The following FAM186A variants were observed in gnomAD, a reference collection of about 807,000 sequenced individuals.
FAM186A encodes the protein protein FAM186A.
In FAM186A, 163 loss-of-function variants were observed where a neutral mutation model predicts 216.8. That is an observed-to-expected ratio of 0.75 (90% CI 0.66 to 0.86). The LOEUF (loss-of-function observed/expected upper bound fraction) is 0.86. FAM186A is among the 40% of genes least tolerant of loss of function. FAM186A has a pLI of 0.00. For missense variants in FAM186A, 2,184 were observed against 2,746.2 expected (o/e 0.80, Z 4.58); for synonymous variants, 805 against 1,025.3 (o/e 0.79, Z 4.10).
At position 50,353,554 on chromosome 12, in the gene FAM186A, T is replaced by C; in HGVS notation, c.3278A>G (p.Gln1093Arg). The C allele has an allele frequency of 1.3e-6, 2 of 1,532,106 alleles. No homozygotes were observed. Among genetic ancestry groups the C allele is most frequent in the Non-Finnish European group, 1.8e-6 (2 of 1,138,048 alleles). The allele number at this position is 1,532,106 out of a possible 1,614,324, so 94.9% of individuals were successfully genotyped here. A position where few individuals can be genotyped will look rare whatever the true frequency, so the allele number is the denominator to read the frequency against. ...AAGGGTGAGCGTGATCCCCTGAGCCTGGGCCTGCTGAGGAGTGAGTGTGAT... is the reference window on the plus strand; with the variant it reads ...AAGGGTGAGCGTGATCCCCTGAGCCCGGGCCTGCTGAGGAGTGAGTGTGAT... ...VGITLTPQQA[Q>R]AQGITLTLQQ... Residue 1093 changes from glutamine to arginine, a missense_variant, in exon 4 of 8, where the codon CAG (glutamine) becomes CGG (arginine). This residue lies in a region of FAM186A where 1,132 missense variants were observed against 1,263.4 expected (regional missense o/e 0.90). Transcript: ENST00000327337.
chr12:50,337,996 G>T (rs760635692), intron 4 of FAM186A, among the ~76,000 whole-genome samples: 11 of 152,086 alleles, frequency 7.2e-5, no homozygotes, highest in Non-Finnish European at 1.6e-4. Flanking sequence ...CTAGAATCAT[G>T]GCTATTCATC....
At position 50,350,980 on chromosome 12, in the gene FAM186A, A is replaced by G. The variant is rs1942871766; in HGVS notation, c.5852T>C (p.Val1951Ala). 1 of 1,551,450 alleles carries G rather than the reference A, an allele frequency of 6.4e-7. No individual in the cohort carries two copies. Among genetic ancestry groups the G allele is most frequent in the African/African-American group, 1.4e-5 (1 of 73,020 alleles). The change falls in exon 4 of 8, where the codon GTT (valine) becomes GCT (alanine). Residue 1951 changes from valine (V) to alanine (A), a missense_variant. Val to Ala is a moderately conservative substitution (Grantham distance 64, BLOSUM62 0). Coordinates refer to ENST00000327337, the MANE Select transcript of FAM186A (RefSeq NM_001145475.3). ...AATAATTGCCAATCTTTTCTTAGCA[A>G]CAGAAGGGGACCAACTTTTCTGGGG... ...GKPQKSWSPS[V>A]AKKRLAIISS...
At position 50,396,510 on chromosome 12, in the gene FAM186A, T is replaced by C; in HGVS notation, c.-26A>G. ...TTTGAAAATGTGGGTGATTTCGTTT[T>C]ATTTCTTCTTTTTCACAGAATCTAC... is the stretch of plus-strand genomic sequence containing the variant. On this transcript the variant is annotated 5_prime_UTR_variant, in exon 1 of 8. In the 5' UTR this introduces an upstream ATG that the reference lacks. Transcript: ENST00000327337. 1 of 1,527,308 alleles carries C rather than the reference T, an allele frequency of 6.5e-7. No individual in the cohort carries two copies. The highest frequency in any genetic ancestry group is 8.8e-7 in the Non-Finnish European group (1 of 1,136,692). The allele number at this position is 1,527,308 out of a possible 1,614,324, so 94.6% of individuals were successfully genotyped here. A position where few individuals can be genotyped will look rare whatever the true frequency, so the allele number is the denominator to read the frequency against.
intron 6 of FAM186A, among the ~76,000 whole-genome samples, chr12:50,331,228 T>C (rs1464308310): frequency 6.6e-6 from 1 of 152,188 alleles, no homozygotes; most frequent in African/African-American, 2.4e-5. Context: ...CTCTTGCCAA[T>C]TTAGCTAAGG....
chr12:50,365,874 A>G, intron 1 of FAM186A: 1 of 762,918 alleles, frequency 1.3e-6, no homozygotes, highest in South Asian at 1.3e-5. Context: ...CCAGGTTTAC[A>G]GGAAGAAATA....
intron 4 of FAM186A, among the ~76,000 whole-genome samples, chr12:50,343,438 C>G (rs1942783458): frequency 6.6e-6 from 1 of 152,034 alleles, no homozygotes; most frequent in South Asian, 2.1e-4. Context: ...GCTGTTGTTG[C>G]TGTTTTCTGA....
chr12:50,353,339 G>C lies in FAM186A; in HGVS notation c.3493C>G (p.Gln1165Glu). The C allele has an allele frequency of 6.5e-7, 1 of 1,540,250 alleles. No individual in the cohort carries two copies. The highest frequency in any genetic ancestry group is 8.8e-7 in the Non-Finnish European group (1 of 1,141,792). The change falls in exon 4 of 8, where the codon CAG (glutamine) becomes GAG (glutamate). Residue 1165 changes from glutamine (Q) to glutamate (E), a missense_variant. Coordinates refer to ENST00000327337, the MANE Select transcript of FAM186A (RefSeq NM_001145475.3). ...GGGGTAAGAGGGATCCCTAGTTTCT[G>C]AGCCTGCTGAGTGGTGAGAGAGATC... ...PGISLTTQQA[Q>E]KLGIPLTPQQ... is the part of the protein sequence containing the mutation.
chr12:50,388,229 C>T (rs1331776407), intron 1 of FAM186A, among the ~76,000 whole-genome samples: 1 of 152,182 alleles, frequency 6.6e-6, no homozygotes, highest in African/African-American at 2.4e-5. Flanking sequence ...AGCTGTCAAT[C>T]ATTAGCATAC....
intron 1 of FAM186A, among the ~76,000 whole-genome samples, chr12:50,392,832 C>G (rs1943373197): frequency 7.0e-6 from 1 of 142,908 alleles, no homozygotes. Flanking sequence ...AAAATGGTCT[C>G]GATCTCCTGA....
rs776385385 is a variant in FAM186A, at chr12:50,355,063, C to T, written c.1769G>A (p.Ser590Asn). 36 of 1,551,660 alleles carry T rather than the reference C, an allele frequency of 2.3e-5. No homozygotes were observed. The South Asian group carries it at 3.4e-4, about 15-fold the overall frequency. The change falls in exon 4 of 8, where the codon AGT becomes AAT. Residue 590 changes from serine (S) to asparagine (N), a missense_variant. Physicochemically the swap from Ser to Asn is conservative, Grantham distance 46. This residue lies in a region of FAM186A where 1,132 missense variants were observed against 1,263.4 expected (regional missense o/e 0.90). Coordinates refer to ENST00000327337, the MANE Select transcript of FAM186A (RefSeq NM_001145475.3). ...AGCAGTATCATCAAATTGGATCATA[C>T]TGAGTGGCTCCACTAGGCTTCTAAT... The part of the protein sequence containing the change: ...GEIRSLVEPL[S>N]MIQFDDTAEP...
rs989416915 is a variant in FAM186A, at chr12:50,360,770, T to C, written c.569A>G (p.Gln190Arg). 1 of 1,536,386 alleles carries C rather than the reference T, an allele frequency of 6.5e-7. No individual in the cohort carries two copies. The highest frequency in any genetic ancestry group is 1.4e-5 in the African/African-American group (1 of 72,292). Residue 190 changes from glutamine to arginine, a missense_variant, in exon 3 of 8, where the codon CAA (glutamine) becomes CGA (arginine). Coordinates refer to ENST00000327337, the MANE Select transcript of FAM186A (RefSeq NM_001145475.3). The part of the protein sequence containing the change: ...STSFLDEKKK[Q>R]KKKILSRGTL... ...AGCACCCTTACATATTTTTTTCTTT[T>C]GTTTCTTCTTTTCGTCGAGGAAAGA...
chr12:50,387,634 A>T (rs1369359699), intron 1 of FAM186A, among the ~76,000 whole-genome samples: 1 of 152,218 alleles, frequency 6.6e-6, no homozygotes, highest in Non-Finnish European at 1.5e-5. Flanking sequence ...TACATAGTGC[A>T]TATGGAAGGC....
At chr12:50,360,270 T>A in intron 3 of FAM186A, among the ~76,000 whole-genome samples, 1 of 149,652 alleles carries the variant, frequency 6.7e-6, no homozygotes. Context: ...AATTAATAAA[T>A]AAATTTAAAA....
rs555597807 is a variant in FAM186A at position 50,341,428 on chromosome 12, A to G, written c.6504-7325T>C. ...TTCTGAAAGAATGAATTGATCCTCG[A>G]TGGGATTAAGGTTATGATTGTATAA... On this transcript the variant is annotated intron_variant, in intron 4 of 7. Coordinates refer to ENST00000327337, the MANE Select transcript of FAM186A (RefSeq NM_001145475.3). Among the ~76,000 whole-genome samples the G allele has an allele frequency of 2.6e-5, 4 of 152,306 alleles. No homozygotes were observed. In the South Asian group the frequency reaches 8.3e-4, roughly 32 times the overall value.
intron 4 of FAM186A, among the ~76,000 whole-genome samples, chr12:50,340,989 G>A: frequency 6.6e-6 from 1 of 152,030 alleles, no homozygotes; most frequent in East Asian, 1.9e-4. Flanking sequence ...TAGAGATGGG[G>A]TTTTGCCTTG....
chr12:50,396,176 T>G, intron 1 of FAM186A, 117 bp downstream of exon 1: 4 of 945,156 alleles, frequency 4.2e-6, no homozygotes, highest in Non-Finnish European at 4.5e-6. Context: ...AAGTCAAAGC[T>G]ACCCTAAATA....
intron 7 of FAM186A, among the ~76,000 whole-genome samples, chr12:50,328,655 G>A (rs554544249): frequency 6.6e-6 from 1 of 151,912 alleles, no homozygotes; most frequent in Admixed American, 6.6e-5. Context: ...CTACAGGTGT[G>A]TGCCACCATG....
intron 7 of FAM186A, among the ~76,000 whole-genome samples, chr12:50,329,477 T>A (rs1377181808): frequency 6.6e-6 from 1 of 152,236 alleles, no homozygotes; most frequent in East Asian, 1.9e-4. Flanking sequence ...GCTCATGATA[T>A]ATGACTTTAT....
At chr12:50,382,418 G>A (rs1319134330) in intron 1 of FAM186A, among the ~76,000 whole-genome samples, 1 of 151,950 alleles carries the variant, frequency 6.6e-6, no homozygotes, top group Non-Finnish European at 1.5e-5. Flanking sequence ...ATATATATAT[G>A]ACCAGGCACA....
Sources: gnomAD v4.1 joint callset for allele counts (sites outside exome capture counted in the v4.1 genomes callset) on GRCh38, gnomAD v4.1.1 for gene constraint, gnomAD v4.1.1 regional missense constraint, MANE v1.5 for transcripts, NCBI Gene and HGNC (gene_info 2026-07-23, HGNC 2026-07-21) for gene names.